Variants in ARHGAP25 observed in about 807,000 individuals in gnomAD.
ARHGAP25 encodes the protein Rho GTPase activating protein 25.
In ARHGAP25, 34 loss-of-function variants were observed where a neutral mutation model predicts 71.0. The observed-to-expected ratio is 0.48, with a 90% CI of 0.36 to 0.64. The LOEUF is 0.64. Ranked by LOEUF, ARHGAP25 falls within the 30% of genes least tolerant of loss-of-function variation. ARHGAP25 has a pLI of 0.00. For missense variants in ARHGAP25, 706 were observed against 805.1 expected (o/e 0.88, Z 1.49); for synonymous variants, 282 against 296.5 (o/e 0.95, Z 0.50).
chr2:68,807,404 C>A lies in ARHGAP25; in HGVS notation c.598C>A (p.Arg200Ser). Residue 200 changes from arginine (R) to serine (S), a missense_variant, in exon 5 of 11, where the codon CGT becomes AGT. Physicochemically the swap from Arg to Ser is moderately radical, Grantham distance 110. Coordinates refer to ENST00000409202, the MANE Select transcript of ARHGAP25 (RefSeq NM_001007231.3). Reference sequence around the variant, plus strand: ...CGGCCGGAATGAAGAGGGCATCTTCCGTCTGCCTGGGCAGGACAACCTGGT... The same window carrying A: ...CGGCCGGAATGAAGAGGGCATCTTCAGTCTGCCTGGGCAGGACAACCTGGT... Reference protein sequence around the residue: ...EHGRNEEGIFRLPGQDNLVKQ... With the variant: ...EHGRNEEGIFSLPGQDNLVKQ... The A allele has an allele frequency of 6.2e-7, 1 of 1,614,222 alleles. No individual in the cohort carries two copies. The highest frequency in any genetic ancestry group is 8.5e-7 in the Non-Finnish European group (1 of 1,180,038).
intron 2 of ARHGAP25, among the ~76,000 whole-genome samples, chr2:68,720,098 T>C (rs1265969734): frequency 6.6e-6 from 1 of 152,120 alleles, no homozygotes; most frequent in Non-Finnish European, 1.5e-5. Context: ...ATCAGCTGAC[T>C]GATCAGGGTT....
chr2:68,825,902 A>G, intron 10 of ARHGAP25, 85 bp from the exon 11 acceptor site: 1 of 1,185,234 alleles, frequency 8.4e-7, no homozygotes, highest in Non-Finnish European at 1.2e-6. Context: ...TGAAAGGAAA[A>G]TGAGCAGCAG....
At chr2:68,777,103 A>T (rs1341604394) in intron 2 of ARHGAP25, among the ~76,000 whole-genome samples, 1 of 151,928 alleles carries the variant, frequency 6.6e-6, no homozygotes, top group Non-Finnish European at 1.5e-5. Context: ...CTTTATAAAC[A>T]CCCCAGACCT....
At chr2:68,753,158 A>C (rs1676278385) in intron 1 of ARHGAP25, among the ~76,000 whole-genome samples, 1 of 152,160 alleles carries the variant, frequency 6.6e-6, no homozygotes, top group Non-Finnish European at 1.5e-5. Flanking sequence ...AGATTAAACC[A>C]ACTTGATTTG....
At position 68,810,731 on chromosome 2, in the gene ARHGAP25, C is replaced by CTTTTTTTTTTTTTTTTTTTT. The variant is rs539849992; in HGVS notation, c.675-2554_675-2535dup. ...GATCCAATTTCTTTTCTTTTCTTCTCTTTTTTTTTTTTTTTTTTTTTGAGA... is the reference window on the plus strand; with the variant it reads ...GATCCAATTTCTTTTCTTTTCTTCTCTTTTTTTTTTTTTTTTTTTTTTTTTTTTTTTTTTTTTTTTTGAGA... On this transcript the variant is annotated intron_variant, in intron 5 of 10. Coordinates refer to ENST00000409202, the MANE Select transcript of ARHGAP25 (RefSeq NM_001007231.3). 6.7e-5 allele frequency among the ~76,000 whole-genome samples: 5 copies of CTTTTTTTTTTTTTTTTTTTT among 74,354 alleles called. 1 individual carries two copies. Among genetic ancestry groups the CTTTTTTTTTTTTTTTTTTTT allele is most frequent in the Middle Eastern group, 7.1e-3 (1 of 140 alleles). The allele number at this position is 74,354 out of a possible 152,430, so 48.8% of individuals were successfully genotyped here.
rs762289655 is a variant in ARHGAP25 at position 68,807,468 on chromosome 2, C to A, written c.662C>A (p.Pro221His). The A allele has an allele frequency of 3.1e-6, 5 of 1,614,094 alleles. No individual in the cohort carries two copies. In the South Asian group the frequency reaches 5.5e-5, roughly 18 times the overall value. Reference protein sequence around the residue: ...LRDAFDAGERPSFDRDTDVHT... With the variant: ...LRDAFDAGERHSFDRDTDVHT... Reference sequence around the variant, plus strand: ...GACGCTTTTGATGCTGGGGAGCGGCCCTCCTTTGACAGGTACATTGCCCCA... The same window carrying A: ...GACGCTTTTGATGCTGGGGAGCGGCACTCCTTTGACAGGTACATTGCCCCA... The change falls in exon 5 of 11, where the codon CCC (proline) becomes CAC (histidine). Residue 221 changes from proline (P) to histidine (H), a missense_variant. Transcript: ENST00000409202.
intron 2 of ARHGAP25, among the ~76,000 whole-genome samples, chr2:68,722,842 G>A (rs1674795449): frequency 1.3e-5 from 2 of 152,112 alleles, no homozygotes; most frequent in Non-Finnish European, 2.9e-5. Context: ...AGTGCTTGAG[G>A]CAAATACGAG....
intron 1 of ARHGAP25, among the ~76,000 whole-genome samples, chr2:68,738,520 A>C (rs1461877507): frequency 6.6e-6 from 1 of 152,184 alleles, no homozygotes; most frequent in Non-Finnish European, 1.5e-5. Flanking sequence ...TGCTAACCAG[A>C]CCAGCCTGGG....
chr2:68,749,827 G>A (rs971644351), intron 1 of ARHGAP25, among the ~76,000 whole-genome samples: 1 of 152,176 alleles, frequency 6.6e-6, no homozygotes, highest in Non-Finnish European at 1.5e-5. Context: ...TGTGATCTGT[G>A]CCATAAGTGT....
chr2:68,805,300 G>T (rs1040995995), intron 4 of ARHGAP25, among the ~76,000 whole-genome samples: 9 of 152,064 alleles, frequency 5.9e-5, no homozygotes, highest in African/African-American at 2.2e-4. Flanking sequence ...TGCCAGCCTT[G>T]ATTCTCAAAC....
rs909949743 is a variant in ARHGAP25 at position 68,805,045 on chromosome 2, A to G, written c.467-2228A>G. 2.3e-4 allele frequency among the ~76,000 whole-genome samples: 35 copies of G among 152,198 alleles called. 1 individual carries two copies. The highest frequency in any genetic ancestry group is 1.4e-3 in the Admixed American group (22 of 15,282). On this transcript the variant is annotated intron_variant, in intron 4 of 10. Coordinates refer to ENST00000409202, the MANE Select transcript of ARHGAP25 (RefSeq NM_001007231.3). Reference sequence around the variant, plus strand: ...AGTAGGATGTAGTCCCTCCATCTGGATGTCAGGAAGGCATGGCAGATATGA... The same window carrying G: ...AGTAGGATGTAGTCCCTCCATCTGGGTGTCAGGAAGGCATGGCAGATATGA...
chr2:68,731,113 A>G (rs373628605), upstream of ARHGAP25, among the ~76,000 whole-genome samples: 1 of 152,190 alleles, frequency 6.6e-6, no homozygotes, highest in Admixed American at 6.5e-5. Flanking sequence ...GAGTGAATGA[A>G]TGAATGAGTC....
At chr2:68,751,505 C>T (rs1259158191) in intron 1 of ARHGAP25, among the ~76,000 whole-genome samples, 2 of 152,218 alleles carry the variant, frequency 1.3e-5, no homozygotes, top group Non-Finnish European at 2.9e-5. Context: ...CCTATTCGCA[C>T]ACCTGCCATT....
chr2:68,726,976 T>A (rs1227036721), intron 2 of ARHGAP25, among the ~76,000 whole-genome samples: 1 of 152,202 alleles, frequency 6.6e-6, no homozygotes, highest in East Asian at 1.9e-4. Context: ...AACCTTAATT[T>A]TGTGCCTTGT....
intron 2 of ARHGAP25, among the ~76,000 whole-genome samples, chr2:68,780,038 G>A (rs1026928298): frequency 2.6e-5 from 4 of 152,194 alleles, no homozygotes; most frequent in Admixed American, 6.5e-5. Context: ...TGCTGGAATC[G>A]TAGATTTCTT....
At chr2:68,712,456 G>C (rs1003432762) in intron 2 of ARHGAP25, among the ~76,000 whole-genome samples, 9 of 152,126 alleles carry the variant, frequency 5.9e-5, no homozygotes. Context: ...CATTTTGTAG[G>C]TTGCCTGTTC....
At chr2:68,735,386 A>G in intron 1 of ARHGAP25, 126 bp downstream of exon 1, 1 of 1,011,228 alleles carries the variant, frequency 9.9e-7, no homozygotes. Context: ...AGTTTGAGGG[A>G]CCATTTGCAT....
intron 4 of ARHGAP25, among the ~76,000 whole-genome samples, chr2:68,796,850 T>C (rs913982017): frequency 4.6e-5 from 7 of 152,168 alleles, no homozygotes; most frequent in Non-Finnish European, 1.0e-4. Context: ...TTTGACCTTT[T>C]GGGCAGCGAG....
At chr2:68,811,928 A>C (rs566214630) in intron 5 of ARHGAP25, among the ~76,000 whole-genome samples, 1 of 152,350 alleles carries the variant, frequency 6.6e-6, no homozygotes, top group African/African-American at 2.4e-5. Flanking sequence ...CGATGCTACC[A>C]GGGCTGCTAC....
Sources: allele counts gnomAD v4.1 joint callset (sites outside exome capture counted in the v4.1 genomes callset), GRCh38; gene constraint gnomAD v4.1.1; transcripts MANE v1.5; gene names NCBI Gene and HGNC (gene_info 2026-07-23, HGNC 2026-07-21).